The following SCN7A variants were observed in gnomAD, a reference collection of about 807,000 sequenced individuals.
SCN7A encodes the protein sodium voltage-gated channel alpha subunit 7.
SCN7A carries 138 observed loss-of-function variants against 155.2 expected under a neutral mutation model. That is an observed-to-expected ratio of 0.89 (90% CI 0.77 to 1.02). The LOEUF (loss-of-function observed/expected upper bound fraction) is 1.02, where lower values mean the gene tolerates loss of function less well. Among genes scored for constraint, SCN7A ranks in the 50% least tolerant of loss-of-function variants. The pLI, the probability that SCN7A is intolerant of heterozygous loss-of-function variation, is 0.00. For synonymous variants in SCN7A, 693 were observed against 649.0 expected, an observed-to-expected ratio of 1.07 and a Z score of -1.03; for missense variants, 2,058 against 1,986.6, an observed-to-expected ratio of 1.04 and a Z score of -0.68.
At chr2:166,485,422 A>C (rs1035072931) in intron 2 of SCN7A, among the ~76,000 whole-genome samples, 2 of 152,168 alleles carry the variant, frequency 1.3e-5, no homozygotes, top group African/African-American at 4.8e-5. Context: ...AAGTCCACAA[A>C]CAGTGCCAGA....
rs374089896 is a variant in SCN7A at position 166,405,710 on chromosome 2, C to T, written c.4919G>A (p.Arg1640His). Residue 1640 changes from arginine to histidine, a missense_variant, in exon 26 of 26, where the codon CGC becomes CAC. By Grantham distance (29) the Arg-to-His change is conservative (BLOSUM62 0). Transcript: ENST00000643258. ...TIIQRAYKNY[R>H]LRRNDKNTSD... is the part of the protein sequence containing the mutation. ...TGTATTTTTGTCATTTCGCCTCAAG[C>T]GGTAATTTTTATAAGCACGTTGAAT... 76 of 1,612,854 alleles carry T rather than the reference C, an allele frequency of 4.7e-5. No individual in the cohort carries two copies. Among genetic ancestry groups the T allele is most frequent in the African/African-American group, 9.4e-5 (7 of 74,834 alleles).
chr2:166,456,803 AATAT>A (rs61576399), intron 11 of SCN7A, 63 bp downstream of exon 11: 274,166 of 501,376 alleles, frequency 0.55, 79,319 homozygotes, highest in South Asian at 0.62. Context: ...TCAAGACTAA[AATAT>A]ATATATATAT....
intron 10 of SCN7A, among the ~76,000 whole-genome samples, chr2:166,459,489 C>G (rs1702355315): frequency 6.6e-6 from 1 of 152,070 alleles, no homozygotes; most frequent in African/African-American, 2.4e-5. Context: ...TCTGTACCCA[C>G]AGTATATCAG....
At chr2:166,438,258 C>G (rs926913011) in intron 15 of SCN7A, among the ~76,000 whole-genome samples, 3 of 152,158 alleles carry the variant, frequency 2.0e-5, no homozygotes, top group African/African-American at 7.2e-5. Context: ...CCCTGCTTCA[C>G]TATGCACTTC....
chr2:166,472,450 A>G lies in SCN7A; in HGVS notation c.444-5T>C. ...TAAATTCCAAGCAAAGTATTCCTGC[A>G]GAAATTTTTTCATATAAATATTATT... On this transcript the variant is annotated splice_polypyrimidine_tract_variant and splice_region_variant and intron_variant, in intron 5 of 25. Coordinates refer to ENST00000643258, the MANE Select transcript of SCN7A (RefSeq NM_002976.4). The G allele has an allele frequency of 6.3e-7, 1 of 1,586,384 alleles. No individual in the cohort carries two copies. The highest frequency in any genetic ancestry group is 8.6e-7 in the Non-Finnish European group (1 of 1,161,716).
At chr2:166,420,121 TA>T (rs1701480265) in intron 20 of SCN7A, among the ~76,000 whole-genome samples, 1 of 152,042 alleles carries the variant, frequency 6.6e-6, no homozygotes, top group Admixed American at 6.6e-5. Context: ...TTTCTGAAAT[TA>T]TTTTTTTAAA....
chr2:166,423,486 C>T (rs528263287), intron 18 of SCN7A, 54 bp from the exon 19 acceptor site: 2 of 1,447,694 alleles, frequency 1.4e-6, no homozygotes, highest in Admixed American at 3.1e-5. Context: ...TTTCTAAAAA[C>T]TCTTTTGACA....
intron 15 of SCN7A, among the ~76,000 whole-genome samples, chr2:166,436,169 T>C (rs1324964768): frequency 6.6e-6 from 1 of 152,128 alleles, no homozygotes; most frequent in African/African-American, 2.4e-5. Context: ...ATTGAAATGG[T>C]TTGTCTTTGC....
At position 166,470,680 on chromosome 2, in the gene SCN7A, TC is replaced by T. The variant is rs1559122447; in HGVS notation, c.598del (p.Asp200ThrfsTer12). 1 of 1,608,988 alleles carries T rather than the reference TC, an allele frequency of 6.2e-7. No homozygotes were observed. Among genetic ancestry groups the T allele is most frequent in the East Asian group, 2.2e-5 (1 of 44,638 alleles). On this transcript the variant is annotated frameshift_variant, in exon 7 of 26. Transcript: ENST00000643258. LOFTEE classifies it high-confidence loss of function. ...TGCAGTTTGAAGCGTTGGAATGAAG[TC>T]CAGAGGTGAGTATCTTATAATAACC... ...FEVIIRYSPL[D>X]FIPTLQTART...
chr2:166,435,680 T>G (rs968160908), intron 15 of SCN7A, among the ~76,000 whole-genome samples: 1 of 152,162 alleles, frequency 6.6e-6, no homozygotes, highest in Non-Finnish European at 1.5e-5. Context: ...AGTTACATCT[T>G]AACATATATT....
At chr2:166,435,012 G>T (rs1204691412) in intron 15 of SCN7A, among the ~76,000 whole-genome samples, 2 of 151,960 alleles carry the variant, frequency 1.3e-5, no homozygotes, top group East Asian at 1.9e-4. Context: ...TTACATCAAA[G>T]ATTTCTTATA....
chr2:166,442,617 C>A (rs1701984807), intron 14 of SCN7A, among the ~76,000 whole-genome samples: 1 of 151,974 alleles, frequency 6.6e-6, no homozygotes, highest in Non-Finnish European at 1.5e-5. Flanking sequence ...AAATTCCTGG[C>A]CTCACTTCTT....
At chr2:166,442,229 T>C (rs557536575) in intron 14 of SCN7A, among the ~76,000 whole-genome samples, 1 of 152,324 alleles carries the variant, frequency 6.6e-6, no homozygotes, top group Admixed American at 6.5e-5. Flanking sequence ...TAGGTTTATA[T>C]TGAATAGTCC....
At chr2:166,456,324 T>G (rs1445675364) in intron 11 of SCN7A, among the ~76,000 whole-genome samples, 2 of 152,086 alleles carry the variant, frequency 1.3e-5, no homozygotes, top group Non-Finnish European at 2.9e-5. Context: ...CTGCACGTTC[T>G]AGGCATATAT....
In SCN7A at chr2:166,428,963, C is replaced by A. The variant is rs190101999; in HGVS notation, c.2698+206G>T. ...TGTTCTTAGATCTCATGAAATAGGG[C>A]CAATATTTAAGTTACTCATATAAAA... On this transcript the variant is annotated intron_variant, in intron 17 of 25. Coordinates refer to ENST00000643258, the MANE Select transcript of SCN7A (RefSeq NM_002976.4). Among the ~76,000 whole-genome samples the A allele has an allele frequency of 4.0e-5, 6 of 151,848 alleles. No homozygotes were observed. The East Asian group carries it at 1.2e-3, about 29-fold the overall frequency.
rs1330366650 is a variant in SCN7A at position 166,465,722 on chromosome 2, AC to A, written c.871+58del. The A allele has an allele frequency of 1.4e-4, 210 of 1,544,820 alleles. 2 individuals are homozygous for A. In the East Asian group the frequency reaches 4.7e-3, roughly 34 times the overall value. The stretch of plus-strand genomic sequence containing the variant: ...TTGAGTGTTCAACATTTCTGGGAAG[AC>A]TGCTTTGCCTTTAACGAAAGTTTCA... On this transcript the variant is annotated intron_variant, in intron 8 of 25. Transcript: ENST00000643258.
rs559018408 is a variant in SCN7A at position 166,453,773 on chromosome 2, C to T, written c.1290+3097G>A. Among the ~76,000 whole-genome samples, 57 of 152,190 alleles carry T rather than the reference C, an allele frequency of 3.7e-4. 1 individual carries two copies. The highest frequency in any genetic ancestry group is 1.3e-3 in the African/African-American group (52 of 41,546). On this transcript the variant is annotated intron_variant, in intron 11 of 25. Transcript: ENST00000643258. ...GATATGAAGCACCTAAGCAATATCC[C>T]GGCAATTCCAGCATCAGAACTGACA...
intron 6 of SCN7A, among the ~76,000 whole-genome samples, chr2:166,471,771 T>C (rs1309729081): frequency 6.6e-6 from 1 of 151,186 alleles, no homozygotes; most frequent in Non-Finnish European, 1.5e-5. Context: ...ATCTCTAGCA[T>C]ATTTACTGGT....
rs748256959 is a variant in SCN7A at position 166,406,589 on chromosome 2, A to T, written c.4040T>A (p.Leu1347Gln). 1 of 1,612,410 alleles carries T rather than the reference A, an allele frequency of 6.2e-7. No individual in the cohort carries two copies. Among genetic ancestry groups the T allele is most frequent in the South Asian group, 1.1e-5 (1 of 90,954 alleles). ...GTGAATGATCCGTGAGAGAAGTATC[A>T]GTTGCACAAGTGAAGGAGGCACAAG... ...SYLVPPSLVQ[L>Q]ILLSRIIHML... is the part of the protein sequence containing the mutation. The change falls in exon 26 of 26, where the codon CTG becomes CAG. Residue 1347 changes from leucine to glutamine, a missense_variant. By Grantham distance (113) the Leu-to-Gln change is moderately radical. Transcript: ENST00000643258.
Sources: allele counts gnomAD v4.1 joint callset (sites outside exome capture counted in the v4.1 genomes callset), GRCh38; gene constraint gnomAD v4.1.1; transcripts MANE v1.5; gene names NCBI Gene and HGNC (gene_info 2026-07-23, HGNC 2026-07-21).